ZC3HAV1: variants seen among roughly 807,000 people sequenced by gnomAD.
The protein encoded by ZC3HAV1 is zinc finger CCCH-type containing, antiviral 1.
A neutral mutation model predicts 86.6 loss-of-function variants in ZC3HAV1; 41 were observed. The ratio of observed to expected loss-of-function variants is 0.47; its 90% CI spans 0.37 to 0.61. The LOEUF (loss-of-function observed/expected upper bound fraction) is 0.61, where lower values mean the gene tolerates loss of function less well. Among genes scored for constraint, ZC3HAV1 ranks in the 20% least tolerant of loss-of-function variants. ZC3HAV1 has a pLI of 0.00. For missense variants in ZC3HAV1, 964 were observed against 1,141.1 expected, an observed-to-expected ratio of 0.84 and a Z score of 2.24; for synonymous variants, 421 against 432.1, an observed-to-expected ratio of 0.97 and a Z score of 0.32.
At chr7:139,100,790 T>C (rs1043802802) in intron 1 of ZC3HAV1, among the ~76,000 whole-genome samples, 1 of 139,948 alleles carries the variant, frequency 7.1e-6, no homozygotes, top group African/African-American at 3.1e-5. Flanking sequence ...CCTCTCCCTC[T>C]CTTTCCACGG....
At chr7:139,095,120 A>G (rs1280299463) in intron 1 of ZC3HAV1, among the ~76,000 whole-genome samples, 1 of 152,122 alleles carries the variant, frequency 6.6e-6, no homozygotes, top group Non-Finnish European at 1.5e-5. Flanking sequence ...GAAATCACTC[A>G]CCATGATATA....
At chr7:139,079,136 T>G in intron 4 of ZC3HAV1, 1 of 1,536,184 alleles carries the variant, frequency 6.5e-7, no homozygotes, top group Non-Finnish European at 8.7e-7. Context: ...CCTTGTGAGC[T>G]CGCTGGCAGA....
At chr7:139,093,927 C>G (rs1261160214) in intron 1 of ZC3HAV1, among the ~76,000 whole-genome samples, 1 of 152,190 alleles carries the variant, frequency 6.6e-6, no homozygotes, top group Admixed American at 6.5e-5. Flanking sequence ...TTCTTCTGAT[C>G]ACTCTGTCCC....
intron 3 of ZC3HAV1, among the ~76,000 whole-genome samples, chr7:139,082,786 A>G (rs1367181645): frequency 6.6e-6 from 1 of 152,208 alleles, no homozygotes; most frequent in Non-Finnish European, 1.5e-5. Flanking sequence ...AAATTCATAC[A>G]AACAGAAAGC....
At chr7:139,066,170 G>A (rs561453275) in intron 7 of ZC3HAV1, among the ~76,000 whole-genome samples, 2 of 152,084 alleles carry the variant, frequency 1.3e-5, no homozygotes, top group Non-Finnish European at 2.9e-5. Context: ...CTTGTTTCCT[G>A]TGATCTAGAA....
At chr7:139,098,522 C>A (rs2130732353) in intron 1 of ZC3HAV1, among the ~76,000 whole-genome samples, 1 of 152,204 alleles carries the variant, frequency 6.6e-6, no homozygotes, top group Non-Finnish European at 1.5e-5. Context: ...CTTCCCAGTG[C>A]CAGGAGTGGT....
At chr7:139,097,411 TATATATATA>T (rs1817622989) in intron 1 of ZC3HAV1, among the ~76,000 whole-genome samples, 2 of 79,504 alleles carry the variant, frequency 2.5e-5, no homozygotes, top group Non-Finnish European at 4.5e-5. Flanking sequence ...CATATATATA[TATATATATA>T]TATATATATT....
chr7:139,088,829 A>G (rs1305370379), intron 2 of ZC3HAV1, among the ~76,000 whole-genome samples: 2 of 152,152 alleles, frequency 1.3e-5, no homozygotes, highest in South Asian at 2.1e-4. Flanking sequence ...CAGGCCGGGT[A>G]TGGTGGCTCA....
chr7:139,051,621 G>C (rs1199218063), intron 12 of ZC3HAV1, among the ~76,000 whole-genome samples: 1 of 151,804 alleles, frequency 6.6e-6, no homozygotes, highest in Admixed American at 6.6e-5. Context: ...ATAAGGTCTC[G>C]CCATGTTGCC....
chr7:139,060,577 A>G (rs1355829453), intron 9 of ZC3HAV1: 7 of 1,008,272 alleles, frequency 6.9e-6, no homozygotes, highest in Non-Finnish European at 8.3e-6. Context: ...ACGGTGGCTC[A>G]TGCCTGTAAT....
At chr7:139,085,767 C>T (rs1817255455) in intron 2 of ZC3HAV1, among the ~76,000 whole-genome samples, 1 of 152,066 alleles carries the variant, frequency 6.6e-6, no homozygotes, top group Non-Finnish European at 1.5e-5. Flanking sequence ...AATCCCAGCA[C>T]TTTGGGAGGC....
chr7:139,060,738 A>C, intron 9 of ZC3HAV1: 1 of 1,220,204 alleles, frequency 8.2e-7, no homozygotes, highest in Admixed American at 3.5e-5. Flanking sequence ...ATTATTCCTT[A>C]GGTGTACTGC....
intron 5 of ZC3HAV1, among the ~76,000 whole-genome samples, chr7:139,077,077 G>T (rs940954688): frequency 6.6e-6 from 1 of 152,112 alleles, no homozygotes; most frequent in Non-Finnish European, 1.5e-5. Context: ...CTGGCCTACA[G>T]TTCATCTCTT....
intron 1 of ZC3HAV1, among the ~76,000 whole-genome samples, chr7:139,094,497 T>TAAAA (rs34388465): frequency 0.019 from 2,489 of 129,484 alleles, 81 homozygotes; most frequent in African/African-American, 0.065. Context: ...GGTGATAACT[T>TAAAA]AAAAAAAAAA....
intron 3 of ZC3HAV1, among the ~76,000 whole-genome samples, chr7:139,081,806 A>G (rs1190710769): frequency 6.6e-6 from 1 of 152,244 alleles, no homozygotes; most frequent in African/African-American, 2.4e-5. Context: ...TCCCTTGTAA[A>G]TGATAAACCA....
Position 139,073,955 on chromosome 7 carries a change from A to G in ZC3HAV1, c.1773T>C (p.Thr591=). Residue 591 remains threonine, a synonymous_variant, in exon 7 of 13, where the codon ACT becomes ACC. Coordinates refer to ENST00000242351, the MANE Select transcript of ZC3HAV1 (RefSeq NM_020119.4). ...TGGCTGGCTTGGTGACAGAAGAAGG[A>G]GTGGAGAGGCGTCGGATGGGAAAGG... ...CDSFPIRRLS[T]PSSVTKPANS... 6.2e-7 allele frequency: 1 copy of G among 1,614,088 alleles called. No individual in the cohort carries two copies. Among genetic ancestry groups the G allele is most frequent in the Non-Finnish European group, 8.5e-7 (1 of 1,179,946 alleles).
chr7:139,085,631 C>A lies in ZC3HAV1; in HGVS notation c.445-1599G>T, dbSNP rs183231110. Among the ~76,000 whole-genome samples the A allele has an allele frequency of 2.3e-3, 345 of 152,336 alleles. 1 individual carries two copies. The highest frequency in any genetic ancestry group is 8.0e-3 in the African/African-American group (334 of 41,588). On this transcript the variant is annotated intron_variant, in intron 2 of 12. Coordinates refer to ENST00000242351, the MANE Select transcript of ZC3HAV1 (RefSeq NM_020119.4). The stretch of plus-strand genomic sequence containing the variant: ...TCCCCATCTCACACCCCCTAAACCA[C>A]AAAGCTGTTTCTCTGCACTGCCTCT...
intron 2 of ZC3HAV1, 50 bp from the exon 3 acceptor site, chr7:139,084,082 G>A: frequency 1.9e-6 from 3 of 1,590,202 alleles, no homozygotes; most frequent in Non-Finnish European, 2.6e-6. Flanking sequence ...TCTTGTATTT[G>A]CCAAACATTC....
chr7:139,109,169 C>T lies in ZC3HAV1; in HGVS notation c.163G>A (p.Gly55Ser). ...GATCGGGTGATCCCGGCCTCGCCGC[C>T]GGTCTCCAACACCACAAAGCGGTCG... ...GPDRFVVLET[G>S]GEAGITRSVV... The change falls in exon 1 of 13, where the codon GGC becomes AGC. Residue 55 changes from glycine to serine, a missense_variant. Gly to Ser is a moderately conservative substitution (Grantham distance 56, BLOSUM62 0). Coordinates refer to ENST00000242351, the MANE Select transcript of ZC3HAV1 (RefSeq NM_020119.4). 2.5e-6 allele frequency: 4 copies of T among 1,600,204 alleles called. No individual in the cohort carries two copies. Among genetic ancestry groups the T allele is most frequent in the Non-Finnish European group, 3.4e-6 (4 of 1,173,636 alleles).
Sources: allele counts gnomAD v4.1 joint callset (sites outside exome capture counted in the v4.1 genomes callset), GRCh38; gene constraint gnomAD v4.1.1; transcripts MANE v1.5; gene names NCBI Gene and HGNC (gene_info 2026-07-23, HGNC 2026-07-21).